Variants in IFT140 observed in about 807,000 individuals in gnomAD.
The protein encoded by IFT140 is intraflagellar transport 140.
In IFT140, 133 loss-of-function variants were observed where a neutral mutation model predicts 164.6. The ratio of observed to expected loss-of-function variants is 0.81; its 90% CI spans 0.70 to 0.93. The LOEUF is 0.93. Ranked by LOEUF, IFT140 falls within the 40% of genes least tolerant of loss-of-function variation. The probability of loss-of-function intolerance (pLI) is 0.00; values close to 1 mark genes in which losing one functional copy is unlikely to be tolerated. For missense variants in IFT140, 2,045 were observed against 1,972.3 expected, an observed-to-expected ratio of 1.04 and a Z score of -0.70; for synonymous variants, 860 against 817.3, an observed-to-expected ratio of 1.05 and a Z score of -0.89.
intron 19 of IFT140, among the ~76,000 whole-genome samples, chr16:1,528,328 CACG>C (rs2029962554): frequency 8.1e-6 from 1 of 122,860 alleles, no homozygotes; most frequent in Admixed American, 7.4e-5. Context: ...CGCATGCACG[CACG>C]TGTGCACACA....
At chr16:1,542,175 T>A in intron 19 of IFT140, 1 of 1,320,210 alleles carries the variant, frequency 7.6e-7, no homozygotes, top group Non-Finnish European at 1.0e-6. Flanking sequence ...GGGGGGAAGC[T>A]GCAGGCCATA....
Position 1,561,825 on chromosome 16 carries a change from C to T in IFT140, c.2199+160G>A, listed in dbSNP as rs142160200. ...CCGCAGTGTTTGCTGGAATTTCAGGCGACAAGTGAGACTGGATGGCTGATG... is the reference window on the plus strand; with the variant it reads ...CCGCAGTGTTTGCTGGAATTTCAGGTGACAAGTGAGACTGGATGGCTGATG... On this transcript the variant is annotated intron_variant, in intron 18 of 30. Coordinates refer to ENST00000426508, the MANE Select transcript of IFT140 (RefSeq NM_014714.4). Among the ~76,000 whole-genome samples, 87 of 152,226 alleles carry T rather than the reference C, an allele frequency of 5.7e-4. 2 individuals are homozygous for T. In the South Asian group the frequency reaches 0.011, roughly 20 times the overall value.
intron 20 of IFT140, 192 bp from the exon 21 acceptor site, chr16:1,526,269 G>T: frequency 1.6e-6 from 1 of 622,226 alleles, no homozygotes; most frequent in Non-Finnish European, 2.8e-6. Flanking sequence ...AGAGTGAGAT[G>T]CACCACCAAG....
chr16:1,588,133 A>C (rs540124182), intron 7 of IFT140, 109 bp from the exon 8 acceptor site: 1 of 795,646 alleles, frequency 1.3e-6, no homozygotes, highest in African/African-American at 1.7e-5. Context: ...AGACTCACCA[A>C]GTGGGGGAAA....
At chr16:1,586,020 C>T (rs2034855807) in intron 10 of IFT140, 110 bp downstream of exon 10, 5 of 1,298,138 alleles carry the variant, frequency 3.9e-6, no homozygotes, top group Admixed American at 3.4e-5. Context: ...ATCCACCCGC[C>T]TTGGCCTCCC....
chr16:1,510,485 G>T lies in IFT140; in HGVS notation c.*459C>A, dbSNP rs1426228623. 8.1e-6 allele frequency: 2 copies of T among 247,654 alleles called. No homozygotes were observed. Among genetic ancestry groups the T allele is most frequent in the African/African-American group, 2.3e-5 (1 of 43,006 alleles). The allele number at this position is 247,654 out of a possible 1,614,324, so 15.3% of individuals were successfully genotyped here. On this transcript the variant is annotated 3_prime_UTR_variant, in exon 31 of 31. Coordinates refer to ENST00000426508, the MANE Select transcript of IFT140 (RefSeq NM_014714.4). ...GGAGTGTTGGTGGCCGGTGGGCAGA[G>T]CCTAGCAGGGGGTGCAGCCGCCAAG... is the stretch of plus-strand genomic sequence containing the variant.
chr16:1,557,718 C>T (rs2033177441), intron 19 of IFT140: 3 of 575,734 alleles, frequency 5.2e-6, no homozygotes, highest in East Asian at 2.9e-5. Context: ...AGCTAAACAG[C>T]CCGAGAGGCT....
intron 4 of IFT140, among the ~76,000 whole-genome samples, chr16:1,598,616 T>C (rs189929293): frequency 6.6e-6 from 1 of 152,378 alleles, no homozygotes; most frequent in Non-Finnish European, 1.5e-5. Flanking sequence ...GTTCTGCTAC[T>C]CACACGCAAC....
intron 19 of IFT140, among the ~76,000 whole-genome samples, chr16:1,546,689 G>A (rs984040356): frequency 3.3e-5 from 5 of 152,340 alleles, no homozygotes; most frequent in Admixed American, 6.5e-5. Context: ...GCCAGGATCC[G>A]TTCATGGAGC....
intron 2 of IFT140, among the ~76,000 whole-genome samples, chr16:1,608,937 C>G (rs1463870031): frequency 6.6e-6 from 1 of 152,046 alleles, no homozygotes; most frequent in African/African-American, 2.4e-5. Context: ...GGGTGGATCA[C>G]AAGGTCAGAA....
rs1043985995 is a variant in IFT140 at position 1,511,224 on chromosome 16, C to T, written c.4183-74G>A. 123 of 1,410,868 alleles carry T rather than the reference C, an allele frequency of 8.7e-5. No individual in the cohort carries two copies. In the East Asian group the frequency reaches 1.0e-3, roughly 12 times the overall value. The allele number at this position is 1,410,868 out of a possible 1,614,324, so 87.4% of individuals were successfully genotyped here. ...CGACCCTCTGCCTGCAGGCCAGGCA[C>T]GTGCTGCTGCCCCTGGAGGCGGGTG... On this transcript the variant is annotated intron_variant, in intron 30 of 30. Transcript: ENST00000426508.
intron 29 of IFT140, among the ~76,000 whole-genome samples, chr16:1,519,333 G>A (rs1197158761): frequency 1.3e-5 from 2 of 152,216 alleles, no homozygotes; most frequent in Non-Finnish European, 2.9e-5. Flanking sequence ...TGGCCACACA[G>A]CAGCTCTCTG....
intron 17 of IFT140, among the ~76,000 whole-genome samples, chr16:1,563,471 A>G (rs1240209480): frequency 6.6e-6 from 1 of 151,706 alleles, no homozygotes; most frequent in Non-Finnish European, 1.5e-5. Flanking sequence ...ACAAACAAAC[A>G]AAAGATTTCT....
At chr16:1,584,176 C>A (rs749513472) in intron 11 of IFT140, 41 bp downstream of exon 11, 1 of 1,579,376 alleles carries the variant, frequency 6.3e-7, no homozygotes, top group South Asian at 1.1e-5. Context: ...TGGGGCAGTT[C>A]TTCTGTCTGT....
At chr16:1,576,465 G>A (rs113851168) in intron 13 of IFT140, among the ~76,000 whole-genome samples, 3,694 of 151,066 alleles carry the variant, frequency 0.024, 145 homozygotes, top group African/African-American at 0.086. Flanking sequence ...GGTGGTGGGC[G>A]CCTGTAGTCC....
At position 1,571,506 on chromosome 16, in the gene IFT140, G is replaced by A. The variant is rs761365882; in HGVS notation, c.1553C>T (p.Ser518Leu). The A allele has an allele frequency of 3.1e-6, 5 of 1,613,320 alleles. No homozygotes were observed. The highest frequency in any genetic ancestry group is 1.3e-5 in the African/African-American group (1 of 74,884). Residue 518 changes from serine to leucine, a missense_variant, in exon 14 of 31, where the codon TCG (serine) becomes TTG (leucine). Coordinates refer to ENST00000426508, the MANE Select transcript of IFT140 (RefSeq NM_014714.4). Reference sequence around the variant, plus strand: ...GAAGCAGGGATTCCCCTCAGTCTCCGAGAAAAGGAGGAGTTGTTTGACAGT... The same window carrying A: ...GAAGCAGGGATTCCCCTCAGTCTCCAAGAAAAGGAGGAGTTGTTTGACAGT... ...QGTVKQLLLFSETEGNPCFLD... is the reference protein window; with the variant it reads ...QGTVKQLLLFLETEGNPCFLD...
chr16:1,558,192 C>A, intron 18 of IFT140, 58 bp from the exon 19 acceptor site: 1 of 1,554,534 alleles, frequency 6.4e-7, no homozygotes. Flanking sequence ...AAGCCCTCAC[C>A]CAGACCTCGT....
chr16:1,538,549 G>C (rs1247844922), intron 19 of IFT140, among the ~76,000 whole-genome samples: 1 of 152,064 alleles, frequency 6.6e-6, no homozygotes, highest in African/African-American at 2.4e-5. Context: ...CCAGGGCAGA[G>C]CGCAGAGCCC....
At chr16:1,581,761 G>A (rs187641585) in intron 12 of IFT140, among the ~76,000 whole-genome samples, 2,837 of 90,516 alleles carry the variant, frequency 0.031, 88 homozygotes, top group African/African-American at 0.043. Context: ...GGAGCGGGGG[G>A]TGGGGAGGGG....
Sources: allele counts gnomAD v4.1 joint callset (sites outside exome capture counted in the v4.1 genomes callset), GRCh38; gene constraint gnomAD v4.1.1; transcripts MANE v1.5; gene names NCBI Gene and HGNC (gene_info 2026-07-23, HGNC 2026-07-21).